Variants in ZFHX3 observed in about 807,000 individuals in gnomAD.
The protein encoded by ZFHX3 is zinc finger homeobox protein 3.
ZFHX3 carries 42 observed loss-of-function variants against 279.1 expected under a neutral mutation model. That is an observed-to-expected ratio of 0.15 (90% CI 0.12 to 0.19). The LOEUF is 0.19. Ranked by LOEUF, ZFHX3 falls within the 10% of genes least tolerant of loss-of-function variation. ZFHX3 has a pLI of 1.00. For synonymous variants in ZFHX3, 2,293 were observed against 1,957.8 expected (o/e 1.17, Z -4.52); for missense variants, 4,981 against 4,754.0 (o/e 1.05, Z -1.40).
chr16:73,501,246 T>C (rs1281056576), intron 2 of ZFHX3, among the ~76,000 whole-genome samples: 1 of 152,182 alleles, frequency 6.6e-6, no homozygotes, highest in Non-Finnish European at 1.5e-5. Context: ...TTTGTGTAAA[T>C]ACACTCTACG....
chr16:73,751,507 TTATATGTG>T lies in ZFHX3; in HGVS notation c.-1607-71275_-1607-71268del, dbSNP rs1440354529. On this transcript the variant is annotated intron_variant, in intron 1 of 17. Transcript: ENST00000641206. ...AACGAATGTCTAATCATGTACATGG[TTATATGTG>T]TATATGTGTTTATGTGTGTGTGTGT... Among the ~76,000 whole-genome samples, 8 of 142,744 alleles carry T rather than the reference TTATATGTG, an allele frequency of 5.6e-5. No homozygotes were observed. In the Admixed American group the frequency reaches 5.6e-4, roughly 10 times the overall value. 93.6% of individuals were successfully genotyped at this position (142,744 alleles called of 152,430 possible).
chr16:73,092,071 TTA>T (rs1459259395), intron 8 of ZFHX3, among the ~76,000 whole-genome samples: 4 of 152,248 alleles, frequency 2.6e-5, no homozygotes, highest in African/African-American at 9.6e-5. Flanking sequence ...CGAAGATTTC[TTA>T]TAGACAGGCT....
At chr16:72,819,374 A>C (rs1253975104) in intron 5 of ZFHX3, among the ~76,000 whole-genome samples, 1 of 152,138 alleles carries the variant, frequency 6.6e-6, no homozygotes, top group Non-Finnish European at 1.5e-5. Context: ...GTCGATCTCA[A>C]AACCTCACGC....
chr16:73,355,288 T>C (rs1364019828), intron 3 of ZFHX3, among the ~76,000 whole-genome samples: 2 of 152,164 alleles, frequency 1.3e-5, no homozygotes, highest in Non-Finnish European at 2.9e-5. Flanking sequence ...CAGATAAAGA[T>C]TTTCCCAGTG....
At chr16:73,707,291 T>A (rs572160828) in intron 1 of ZFHX3, among the ~76,000 whole-genome samples, 27 of 152,276 alleles carry the variant, frequency 1.8e-4, no homozygotes, top group African/African-American at 6.5e-4. Context: ...ATGGTAAATT[T>A]ACTTAGAAAA....
chr16:73,732,048 T>C (rs1277618453), intron 1 of ZFHX3, among the ~76,000 whole-genome samples: 2 of 152,218 alleles, frequency 1.3e-5, no homozygotes, highest in African/African-American at 4.8e-5. Flanking sequence ...AATTTTGAAA[T>C]TACTCTAACT....
At position 72,787,740 on chromosome 16, in the gene ZFHX3, GCCA is replaced by G. The variant is rs541875856; in HGVS notation, c.10533_10535del (p.Gly3512del). On this transcript the variant is annotated inframe_deletion, in exon 10 of 10. Transcript: ENST00000268489. ...CGCCACCGCCGCCGCCGCCGCCACT[GCCA>G]CCGCCGCCGCCGCCGGTGGGGACGT... 0.01 allele frequency: 14,569 copies of G among 1,404,364 alleles called. 127 individuals carry two copies. Among genetic ancestry groups the G allele is most frequent in the Non-Finnish European group, 0.012 (13,115 of 1,074,942 alleles). The allele number at this position is 1,404,364 out of a possible 1,614,324, so 87.0% of individuals were successfully genotyped here.
intron 9 of ZFHX3, 115 bp from the exon 10 acceptor site, chr16:72,788,963 T>G (rs1321034974): frequency 7.0e-7 from 1 of 1,431,722 alleles, no homozygotes; most frequent in Admixed American, 2.6e-5. Context: ...GCTTGAAGGA[T>G]CCTCTCAAAA....
chr16:73,637,660 T>C (rs1472385930), intron 2 of ZFHX3, among the ~76,000 whole-genome samples: 1 of 152,144 alleles, frequency 6.6e-6, no homozygotes, highest in Non-Finnish European at 1.5e-5. Flanking sequence ...CTATTTACAA[T>C]TAAAAACTAA....
intron 2 of ZFHX3, chr16:73,609,422 G>A (rs1224546555): frequency 6.6e-6 from 1 of 152,128 alleles, no homozygotes; most frequent in Non-Finnish European, 1.5e-5. Context: ...CTTCACTACT[G>A]CCCCTAAGAA....
intron 3 of ZFHX3, among the ~76,000 whole-genome samples, chr16:73,378,156 A>C (rs1351312412): frequency 6.6e-6 from 1 of 150,942 alleles, no homozygotes; most frequent in Non-Finnish European, 1.5e-5. Context: ...TTGGGAAAGC[A>C]TGGTCCACAT....
At chr16:73,366,542 G>A (rs1365035141) in intron 3 of ZFHX3, among the ~76,000 whole-genome samples, 6 of 149,498 alleles carry the variant, frequency 4.0e-5, no homozygotes, top group Admixed American at 1.3e-4. Context: ...GACCAGCCTT[G>A]GCAATGTAGT....
chr16:73,700,673 T>C (rs1174326422), intron 1 of ZFHX3, among the ~76,000 whole-genome samples: 1 of 152,182 alleles, frequency 6.6e-6, no homozygotes, highest in Admixed American at 6.5e-5. Flanking sequence ...TTAAAACACA[T>C]GCCATTAAAA....
At chr16:73,368,705 G>A (rs191179292) in intron 3 of ZFHX3, among the ~76,000 whole-genome samples, 3 of 152,108 alleles carry the variant, frequency 2.0e-5, no homozygotes, top group Non-Finnish European at 2.9e-5. Context: ...TACCTATTTC[G>A]GTATGTAATG....
In ZFHX3 at chr16:73,073,334, G is replaced by C. The variant is rs1965847534; in HGVS notation, c.-532-14322C>G. ...GCAAAGTATAAAGACAGCAGGGAGG[G>C]GTGTGGTGGAAGAGGTCGGTCATAG... is the stretch of plus-strand genomic sequence containing the variant. On this transcript the variant is annotated intron_variant, in intron 8 of 17. Transcript: ENST00000641206. Among the ~76,000 whole-genome samples, 5 of 152,186 alleles carry C rather than the reference G, an allele frequency of 3.3e-5. No individual in the cohort carries two copies. The South Asian group carries it at 1.0e-3, about 32-fold the overall frequency.
intron 1 of ZFHX3, among the ~76,000 whole-genome samples, chr16:73,741,119 C>T (rs924472469): frequency 1.3e-5 from 2 of 150,752 alleles, no homozygotes; most frequent in Non-Finnish European, 2.9e-5. Flanking sequence ...GCAACCTCTG[C>T]CTCCCAGGTT....
At chr16:73,788,911 G>A (rs1282252007) in intron 1 of ZFHX3, among the ~76,000 whole-genome samples, 1 of 151,556 alleles carries the variant, frequency 6.6e-6, no homozygotes, top group African/African-American at 2.4e-5. Flanking sequence ...CTCCCAAAGT[G>A]CTGGGATTAC....
chr16:73,800,174 C>T (rs947081381), intron 1 of ZFHX3, among the ~76,000 whole-genome samples: 2 of 152,024 alleles, frequency 1.3e-5, no homozygotes, highest in Non-Finnish European at 2.9e-5. Context: ...TTAAGGACTG[C>T]CACCGTGGCG....
At chr16:73,537,248 A>G (rs1031554295) in intron 2 of ZFHX3, among the ~76,000 whole-genome samples, 1 of 151,722 alleles carries the variant, frequency 6.6e-6, no homozygotes, top group Non-Finnish European at 1.5e-5. Context: ...CTAAGAGGAG[A>G]AAGCTCAGGA....
Sources: allele counts gnomAD v4.1 joint callset (sites outside exome capture counted in the v4.1 genomes callset), GRCh38; gene constraint gnomAD v4.1.1; transcripts MANE v1.5; gene names NCBI Gene and HGNC (gene_info 2026-07-23, HGNC 2026-07-21).